The following FAM13C variants were observed in gnomAD, a reference collection of about 807,000 sequenced individuals.
The protein encoded by FAM13C is protein FAM13C.
Under a neutral mutation model 73.2 loss-of-function variants are expected in FAM13C, and 37 were observed. The ratio of observed to expected loss-of-function variants is 0.51; its 90% CI spans 0.39 to 0.67. The LOEUF is 0.67. Ranked by LOEUF, FAM13C falls within the 30% of genes least tolerant of loss-of-function variation. FAM13C has a pLI of 0.00. For synonymous variants in FAM13C, 246 were observed against 260.9 expected, an observed-to-expected ratio of 0.94 and a Z score of 0.55; for missense variants, 589 against 715.6, an observed-to-expected ratio of 0.82 and a Z score of 2.02.
upstream of FAM13C, chr10:59,362,597 G>A: frequency 1.3e-6 from 2 of 1,496,482 alleles, no homozygotes; most frequent in Non-Finnish European, 1.8e-6. Flanking sequence ...GTCTGCACAT[G>A]CTCGTAACGA....
At chr10:59,348,120 C>T (rs368014501) in intron 3 of FAM13C, among the ~76,000 whole-genome samples, 22 of 152,262 alleles carry the variant, frequency 1.4e-4, no homozygotes, top group African/African-American at 3.9e-4. Flanking sequence ...ATGGCAGTAG[C>T]GCAATATCTA....
At chr10:59,336,130 G>C (rs1174045444) in intron 3 of FAM13C, among the ~76,000 whole-genome samples, 1 of 152,134 alleles carries the variant, frequency 6.6e-6, no homozygotes, top group Non-Finnish European at 1.5e-5. Flanking sequence ...AACCAGACAA[G>C]GGACTACTAG....
chr10:59,310,767 T>C (rs887544125), intron 4 of FAM13C, among the ~76,000 whole-genome samples: 1 of 152,014 alleles, frequency 6.6e-6, no homozygotes, highest in East Asian at 1.9e-4. Flanking sequence ...GAAGCCAACT[T>C]CCCCAACCAC....
intron 5 of FAM13C, among the ~76,000 whole-genome samples, chr10:59,286,034 T>C (rs917054431): frequency 1.3e-5 from 2 of 152,322 alleles, no homozygotes; most frequent in South Asian, 4.1e-4. Flanking sequence ...AGCGGATGAA[T>C]GGATAAACCA....
chr10:59,335,586 C>T (rs1357929769), intron 3 of FAM13C, among the ~76,000 whole-genome samples: 2 of 152,152 alleles, frequency 1.3e-5, no homozygotes, highest in African/African-American at 4.8e-5. Flanking sequence ...TGGAGGCAGA[C>T]AAAATTTCAC....
intron 1 of FAM13C, among the ~76,000 whole-genome samples, chr10:59,357,530 G>C (rs1855874415): frequency 6.6e-6 from 1 of 152,188 alleles, no homozygotes; most frequent in Non-Finnish European, 1.5e-5. Flanking sequence ...AGCATTTATT[G>C]AGTATTTACT....
chr10:59,316,410 C>T (rs1849534176), intron 4 of FAM13C, among the ~76,000 whole-genome samples: 1 of 152,156 alleles, frequency 6.6e-6, no homozygotes, highest in Admixed American at 6.6e-5. Flanking sequence ...CTATAAGTAA[C>T]TGCAATATCA....
chr10:59,356,885 C>G (rs891399545), intron 1 of FAM13C, among the ~76,000 whole-genome samples: 2 of 152,178 alleles, frequency 1.3e-5, no homozygotes, highest in Admixed American at 6.5e-5. Context: ...ATAAAGCAGG[C>G]AGAAGAAGCT....
intron 4 of FAM13C, among the ~76,000 whole-genome samples, chr10:59,319,121 T>TCACACACA (rs1171535640): frequency 1.6e-3 from 202 of 123,898 alleles, no homozygotes; most frequent in African/African-American, 6.5e-3. Flanking sequence ...ACACACACAT[T>TCACACACA]GTCTATCTCA....
At chr10:59,354,510 G>A (rs542192194) in intron 2 of FAM13C, among the ~76,000 whole-genome samples, 1 of 152,268 alleles carries the variant, frequency 6.6e-6, no homozygotes, top group African/African-American at 2.4e-5. Context: ...TATTAGTTGT[G>A]TGGCCTGGGC....
At chr10:59,311,845 G>T (rs1306990204) in intron 4 of FAM13C, among the ~76,000 whole-genome samples, 1 of 152,104 alleles carries the variant, frequency 6.6e-6, no homozygotes, top group Non-Finnish European at 1.5e-5. Context: ...GCTCAGAGTG[G>T]CAACCTACCA....
chr10:59,248,558 A>G (rs1452239529), intron 13 of FAM13C, among the ~76,000 whole-genome samples: 2 of 152,208 alleles, frequency 1.3e-5, no homozygotes, highest in African/African-American at 2.4e-5. Flanking sequence ...TTCTTGGTTA[A>G]TAAGATAGCC....
At chr10:59,317,360 A>G (rs1849667253) in intron 4 of FAM13C, among the ~76,000 whole-genome samples, 2 of 152,126 alleles carry the variant, frequency 1.3e-5, no homozygotes, top group Non-Finnish European at 2.9e-5. Context: ...GTCTCCTATA[A>G]TCATTATTGA....
At chr10:59,301,930 T>G (rs1847647747) in intron 5 of FAM13C, among the ~76,000 whole-genome samples, 1 of 152,142 alleles carries the variant, frequency 6.6e-6, no homozygotes, top group Non-Finnish European at 1.5e-5. Flanking sequence ...AAAAGAAAAA[T>G]AAAATCACCT....
At chr10:59,261,713 G>A (rs1446220294) in intron 10 of FAM13C, among the ~76,000 whole-genome samples, 1 of 152,074 alleles carries the variant, frequency 6.6e-6, no homozygotes, top group Non-Finnish European at 1.5e-5. Context: ...AGTCAATCAC[G>A]CCAGTCTTAG....
At chr10:59,339,333 G>A (rs775857926) in intron 3 of FAM13C, among the ~76,000 whole-genome samples, 1 of 152,138 alleles carries the variant, frequency 6.6e-6, no homozygotes, top group African/African-American at 2.4e-5. Context: ...CAACATACAA[G>A]AGGGAAAATA....
At chr10:59,296,354 C>A (rs1846919040) in intron 5 of FAM13C, among the ~76,000 whole-genome samples, 1 of 152,152 alleles carries the variant, frequency 6.6e-6, no homozygotes. Flanking sequence ...AATTGTCCTA[C>A]TTTTAACAAA....
intron 13 of FAM13C, among the ~76,000 whole-genome samples, chr10:59,250,262 A>G (rs1353055277): frequency 2.6e-5 from 4 of 152,234 alleles, no homozygotes; most frequent in Non-Finnish European, 2.9e-5. Context: ...TACTACTCCA[A>G]GGAATATTTT....
At chr10:59,281,869 C>T (rs1028570713) in intron 6 of FAM13C, among the ~76,000 whole-genome samples, 5 of 152,200 alleles carry the variant, frequency 3.3e-5, no homozygotes, top group African/African-American at 1.2e-4. Flanking sequence ...TAATCCAAAT[C>T]ATCAAATAAC....
Sources: allele counts gnomAD v4.1 joint callset (sites outside exome capture counted in the v4.1 genomes callset), GRCh38; gene constraint gnomAD v4.1.1; transcripts MANE v1.5; gene names NCBI Gene and HGNC (gene_info 2026-07-23, HGNC 2026-07-21).